The following CFAP44 variants were observed in gnomAD, a reference collection of about 807,000 sequenced individuals.
CFAP44 encodes the protein cilia- and flagella-associated protein 44.
A neutral mutation model predicts 216.2 loss-of-function variants in CFAP44; 134 were observed. That is an observed-to-expected ratio of 0.62 (90% CI 0.54 to 0.72). The LOEUF (loss-of-function observed/expected upper bound fraction) is 0.72. Ranked by LOEUF, CFAP44 falls within the 30% of genes least tolerant of loss-of-function variation. The probability of loss-of-function intolerance (pLI) is 0.00; values close to 1 mark genes in which losing one functional copy is unlikely to be tolerated. For missense variants in CFAP44, 2,035 were observed against 2,182.1 expected (o/e 0.93, Z 1.34); for synonymous variants, 700 against 727.6 (o/e 0.96, Z 0.61).
intron 15 of CFAP44, among the ~76,000 whole-genome samples, chr3:113,387,369 C>T (rs1933677191): frequency 6.6e-6 from 1 of 152,150 alleles, no homozygotes; most frequent in Admixed American, 6.5e-5. Context: ...GTAGGTAGGG[C>T]ACCAGGAAGA....
Position 113,396,148 on chromosome 3 carries a change from AT to A in CFAP44, c.1780-289del, listed in dbSNP as rs370818243. Among the ~76,000 whole-genome samples the A allele has an allele frequency of 1.9e-3, 291 of 152,330 alleles. 2 individuals carry two copies. Among genetic ancestry groups the A allele is most frequent in the African/African-American group, 5.7e-3 (238 of 41,576 alleles). Reference sequence around the variant, plus strand: ...ATGCTCACCTATTAGTGCATAAAGAATTTACACAGTTATTCTCTTCATTTAT... The same window carrying A: ...ATGCTCACCTATTAGTGCATAAAGAATTACACAGTTATTCTCTTCATTTAT... On this transcript the variant is annotated intron_variant, in intron 14 of 34. Coordinates refer to ENST00000393845, the MANE Select transcript of CFAP44 (RefSeq NM_001164496.2).
intron 6 of CFAP44, among the ~76,000 whole-genome samples, chr3:113,410,470 A>C (rs1934432585): frequency 6.6e-6 from 1 of 152,188 alleles, no homozygotes; most frequent in Non-Finnish European, 1.5e-5. Context: ...CCTGCAAAGG[A>C]CATGAACTCA....
intron 16 of CFAP44, among the ~76,000 whole-genome samples, chr3:113,379,992 T>C (rs1460341531): frequency 2.0e-5 from 3 of 152,216 alleles, no homozygotes; most frequent in Admixed American, 2.0e-4. Context: ...ACTACTTCAT[T>C]CTGTTCACCC....
At chr3:113,373,613 C>A in intron 17 of CFAP44, 57 bp from the exon 18 acceptor site, 2 of 1,346,912 alleles carry the variant, frequency 1.5e-6, no homozygotes, top group Admixed American at 3.2e-5. Flanking sequence ...CACATAAATG[C>A]ATGAGAATTT....
intron 21 of CFAP44, among the ~76,000 whole-genome samples, chr3:113,359,546 T>C (rs1223193157): frequency 6.6e-6 from 1 of 152,242 alleles, no homozygotes; most frequent in Non-Finnish European, 1.5e-5. Context: ...ACCCATGCTC[T>C]GGAAGTTTCA....
chr3:113,299,408 C>G (rs867055032), intron 32 of CFAP44, among the ~76,000 whole-genome samples: 1 of 152,126 alleles, frequency 6.6e-6, no homozygotes, highest in Non-Finnish European at 1.5e-5. Context: ...AAAAGACAGA[C>G]AGTAACAAAT....
At chr3:113,339,793 G>T (rs1950313912) in intron 24 of CFAP44, among the ~76,000 whole-genome samples, 1 of 152,192 alleles carries the variant, frequency 6.6e-6, no homozygotes, top group African/African-American at 2.4e-5. Context: ...GCCAGCAGGG[G>T]CCATTCCTGT....
At chr3:113,401,121 G>T in intron 11 of CFAP44, 119 bp downstream of exon 11, 3 of 868,516 alleles carry the variant, frequency 3.5e-6, no homozygotes, top group South Asian at 1.8e-5. Flanking sequence ...CACATGTTAG[G>T]CAAGTTTTTT....
intron 32 of CFAP44, among the ~76,000 whole-genome samples, chr3:113,303,533 T>G (rs370212794): frequency 2.0e-5 from 3 of 152,196 alleles, no homozygotes; most frequent in East Asian, 1.9e-4. Context: ...TCCATATGTA[T>G]GTGTGCATAC....
Position 113,341,769 on chromosome 3 carries a change from G to A in CFAP44, c.3412C>T (p.Gln1138Ter). 1 of 1,492,446 alleles carries A rather than the reference G, an allele frequency of 6.7e-7. No individual in the cohort carries two copies. The highest frequency in any genetic ancestry group is 8.8e-7 in the Non-Finnish European group (1 of 1,133,364). The allele number at this position is 1,492,446 out of a possible 1,614,324, so 92.5% of individuals were successfully genotyped here. The change falls in exon 24 of 35, where the codon CAG (glutamine) becomes TAG (stop). Residue 1138 changes from glutamine (Q) to a stop codon, truncating the protein, a stop_gained. Coordinates refer to ENST00000393845, the MANE Select transcript of CFAP44 (RefSeq NM_001164496.2). LOFTEE classifies it high-confidence loss of function. The stretch of plus-strand genomic sequence containing the variant: ...AGTTCCTCCCATTCTTTTTTTCGCT[G>A]TTGAATCTTTAGTTGTGCCCTTTCA... The part of the protein sequence containing the change: ...KAERAQLKIQ[Q>*]RKKEWEELYK...
At chr3:113,302,457 TAAAAAAAA>T (rs60866565) in intron 32 of CFAP44, among the ~76,000 whole-genome samples, 114 of 75,796 alleles carry the variant, frequency 1.5e-3, no homozygotes, top group Non-Finnish European at 2.8e-3. Context: ...CTAGACAAAG[TAAAAAAAA>T]AAAAAAAAAA....
At chr3:113,298,728 C>T (rs1949905615) in intron 32 of CFAP44, among the ~76,000 whole-genome samples, 2 of 152,070 alleles carry the variant, frequency 1.3e-5, no homozygotes, top group Admixed American at 6.5e-5. Context: ...ATAGAATAAG[C>T]CAGTCACAAA....
intron 5 of CFAP44, among the ~76,000 whole-genome samples, chr3:113,418,813 C>T (rs1449026694): frequency 1.3e-5 from 2 of 151,978 alleles, no homozygotes; most frequent in Admixed American, 6.5e-5. Flanking sequence ...TCAAGTGGTT[C>T]TCTGCCTCAG....
intron 28 of CFAP44, among the ~76,000 whole-genome samples, chr3:113,316,196 T>G (rs1274210681): frequency 6.6e-6 from 1 of 152,176 alleles, no homozygotes; most frequent in African/African-American, 2.4e-5. Context: ...TCTATACAAT[T>G]CATGGGATAC....
chr3:113,336,898 C>T (rs1950286258), intron 24 of CFAP44, among the ~76,000 whole-genome samples: 1 of 151,580 alleles, frequency 6.6e-6, no homozygotes, highest in Non-Finnish European at 1.5e-5. Context: ...CTGAATGCTT[C>T]CTAAGATAAG....
Position 113,361,033 on chromosome 3 carries a change from C to A in CFAP44, c.2934+2112G>T, listed in dbSNP as rs1950535594. 2.1e-5 allele frequency: 6 copies of A among 283,696 alleles called. No individual in the cohort carries two copies. In the South Asian group the frequency reaches 2.3e-4, roughly 11 times the overall value. The allele number at this position is 283,696 out of a possible 1,614,324, so 17.6% of individuals were successfully genotyped here. ...TCCATGCTGGGCACATTTATTGTTG[C>A]ACAGGATTCCTGGCTATTACCAAGT... On this transcript the variant is annotated intron_variant, in intron 21 of 34. Transcript: ENST00000393845.
At chr3:113,346,848 A>T (rs1164997312) in intron 22 of CFAP44, among the ~76,000 whole-genome samples, 1 of 152,200 alleles carries the variant, frequency 6.6e-6, no homozygotes, top group Non-Finnish European at 1.5e-5. Context: ...GTCCCCTTCC[A>T]TGCTGTGGAA....
At chr3:113,411,624 T>C (rs1934476254) in intron 6 of CFAP44, among the ~76,000 whole-genome samples, 1 of 152,126 alleles carries the variant, frequency 6.6e-6, no homozygotes. Flanking sequence ...GTCTTGGCAA[T>C]GTGGCCTTTT....
chr3:113,339,556 C>T (rs1441626146), intron 24 of CFAP44, among the ~76,000 whole-genome samples: 9 of 152,196 alleles, frequency 5.9e-5, no homozygotes. Flanking sequence ...CCTGTTTATG[C>T]CATGAAGCAT....
Sources: allele counts gnomAD v4.1 joint callset (sites outside exome capture counted in the v4.1 genomes callset), GRCh38; gene constraint gnomAD v4.1.1; transcripts MANE v1.5; gene names NCBI Gene and HGNC (gene_info 2026-07-23, HGNC 2026-07-21).